JKAMP: variants seen among roughly 807,000 people sequenced by gnomAD.
JKAMP encodes JNK1/MAPK8 associated membrane protein, also known as JNK1/MAPK8-associated membrane protein.
In JKAMP, 20 loss-of-function variants were observed where a neutral mutation model predicts 40.2. The ratio of observed to expected loss-of-function variants is 0.50; its 90% CI spans 0.35 to 0.72. The LOEUF (loss-of-function observed/expected upper bound fraction) is 0.72. Ranked by LOEUF, JKAMP falls within the 30% of genes least tolerant of loss-of-function variation. The pLI is 0.01. For synonymous variants in JKAMP, 138 were observed against 131.6 expected (o/e 1.05, Z -0.33); for missense variants, 276 against 373.0 (o/e 0.74, Z 2.14).
chr14:59,503,801 A>T, intron 6 of JKAMP, 53 bp from the exon 7 acceptor site: 1 of 1,080,246 alleles, frequency 9.3e-7, no homozygotes, highest in Non-Finnish European at 1.4e-6. Flanking sequence ...TACCCAGCTG[A>T]CTTAGCCTGA....
chr14:59,492,797 ATTTT>A (rs61117183), intron 3 of JKAMP, among the ~76,000 whole-genome samples: 1 of 131,970 alleles, frequency 7.6e-6, no homozygotes. Flanking sequence ...GAGAGCTGCT[ATTTT>A]TTTTTTTTTT....
chr14:59,498,970 T>C (rs1268266539), intron 5 of JKAMP, 62 bp downstream of exon 5: 4 of 877,204 alleles, frequency 4.6e-6, no homozygotes, highest in African/African-American at 1.8e-5. Context: ...ATATTTCCTC[T>C]AGATTTAATT....
At chr14:59,484,805 C>T in intron 1 of JKAMP, 8 of 911,412 alleles carry the variant, frequency 8.8e-6, no homozygotes, top group Non-Finnish European at 1.3e-5. Flanking sequence ...GCGCTGTCTG[C>T]GGCGAAATGC....
At chr14:59,497,347 A>G (rs1891527257) in intron 4 of JKAMP, among the ~76,000 whole-genome samples, 1 of 152,212 alleles carries the variant, frequency 6.6e-6, no homozygotes, top group East Asian at 1.9e-4. Context: ...ACATGTAGGC[A>G]GCATGGATTG....
chr14:59,494,363 A>G (rs1891270385), intron 3 of JKAMP, among the ~76,000 whole-genome samples: 1 of 152,230 alleles, frequency 6.6e-6, no homozygotes, highest in Non-Finnish European at 1.5e-5. Flanking sequence ...GTGGAATCCT[A>G]ACACAATAGC....
chr14:59,498,705 A>C, intron 4 of JKAMP, 22 bp from the exon 5 acceptor site: 1 of 1,263,516 alleles, frequency 7.9e-7, no homozygotes, highest in East Asian at 2.5e-5. Context: ...TGATGTTACA[A>C]ATTCTTTATT....
intron 6 of JKAMP, among the ~76,000 whole-genome samples, chr14:59,503,534 T>C (rs145377533): frequency 3.7e-4 from 56 of 152,174 alleles, no homozygotes; most frequent in Non-Finnish European, 5.0e-4. Flanking sequence ...GGAGTTTCCC[T>C]TCTAGTTCGT....
intron 3 of JKAMP, among the ~76,000 whole-genome samples, chr14:59,493,591 TAAC>T (rs537518342): frequency 4.7e-4 from 72 of 152,290 alleles, no homozygotes; most frequent in African/African-American, 1.7e-3. Context: ...ATATTAGAAA[TAAC>T]AAGACAGTTT....
intron 1 of JKAMP, among the ~76,000 whole-genome samples, chr14:59,486,437 C>T (rs1369274661): frequency 1.3e-5 from 2 of 152,034 alleles, no homozygotes; most frequent in South Asian, 2.1e-4. Flanking sequence ...CTAATCATAC[C>T]GGGTTAGGCT....
rs755872922 is a variant in JKAMP, at chr14:59,504,015, C to G, written c.879C>G (p.Phe293Leu). 18 of 1,613,638 alleles carry G rather than the reference C, an allele frequency of 1.1e-5. No individual in the cohort carries two copies. Among genetic ancestry groups the G allele is most frequent in the African/African-American group, 8.0e-5 (6 of 74,890 alleles). Reference protein sequence around the residue: ...LVPTPALFYLFTAKFTEPSRI... With the variant: ...LVPTPALFYLLTAKFTEPSRI... ...CTACACCAGCCCTTTTTTACTTGTT[C>G]ACTGCAAAATTTACCGAACCTTCAA... Residue 293 changes from phenylalanine to leucine, a missense_variant, in exon 7 of 7, where the codon TTC becomes TTG. Phe to Leu is a conservative substitution (Grantham distance 22). Transcript: ENST00000616435.
chr14:59,502,760 T>G (rs1366659096), intron 6 of JKAMP, among the ~76,000 whole-genome samples: 1 of 130,106 alleles, frequency 7.7e-6, no homozygotes, highest in African/African-American at 2.9e-5. Flanking sequence ...ATTTTTTTTT[T>G]TTTTTTTTTT....
At chr14:59,497,892 G>C (rs1388753497) in intron 4 of JKAMP, among the ~76,000 whole-genome samples, 1 of 152,170 alleles carries the variant, frequency 6.6e-6, no homozygotes, top group East Asian at 1.9e-4. Flanking sequence ...ACACTCCCCT[G>C]TATAGGGAGA....
chr14:59,495,017 G>C lies in JKAMP; in HGVS notation c.252-1G>C, dbSNP rs754466839. The C allele has an allele frequency of 6.2e-7, 1 of 1,611,964 alleles. No individual in the cohort carries two copies. Among genetic ancestry groups the C allele is most frequent in the Non-Finnish European group, 8.5e-7 (1 of 1,178,480 alleles). ...TAATCATGCCTCTTTTCCTTCTCTA[G>C]TTCCAGCGCACTTTTCCAACACATC... On this transcript the variant is annotated splice_acceptor_variant, in intron 3 of 6. Transcript: ENST00000616435. LOFTEE classifies it high-confidence loss of function.
rs148380441 is a variant in JKAMP at position 59,504,159 on chromosome 14, T to G, written c.*87T>G. ...TTAACAGTGTATGAGAACTATTCTA[T>G]CATATATGGGAACAAGATTGTCAGT... On this transcript the variant is annotated 3_prime_UTR_variant, in exon 7 of 7. Transcript: ENST00000616435. The G allele has an allele frequency of 2.7e-6, 2 of 749,520 alleles. No homozygotes were observed. The highest frequency in any genetic ancestry group is 3.5e-5 in the African/African-American group (2 of 57,182). The allele number at this position is 749,520 out of a possible 1,614,324, so 46.4% of individuals were successfully genotyped here. A position where few individuals can be genotyped will look rare whatever the true frequency, so the allele number is the denominator to read the frequency against.
intron 3 of JKAMP, among the ~76,000 whole-genome samples, chr14:59,491,138 C>T (rs1053326781): frequency 5.3e-5 from 8 of 152,150 alleles, no homozygotes; most frequent in African/African-American, 1.9e-4. Context: ...AACAAATGTT[C>T]ATAAAAACTG....
intron 1 of JKAMP, chr14:59,485,186 TTTAGA>T (rs1157635144): frequency 7.9e-6 from 12 of 1,521,460 alleles, no homozygotes; most frequent in Non-Finnish European, 9.8e-6. Context: ...TTTGAGAAAC[TTTAGA>T]TTATTGATAT....
intron 3 of JKAMP, among the ~76,000 whole-genome samples, chr14:59,490,031 T>C (rs1890871804): frequency 6.6e-6 from 1 of 152,170 alleles, no homozygotes; most frequent in Non-Finnish European, 1.5e-5. Context: ...CAAGTGATCT[T>C]CCCATCTCAG....
At chr14:59,487,965 A>C (rs924121326) in intron 3 of JKAMP, 137 bp downstream of exon 3, 1 of 837,898 alleles carries the variant, frequency 1.2e-6, no homozygotes, top group Non-Finnish European at 1.9e-6. Context: ...GATTATTCTT[A>C]ACTGTGACAA....
chr14:59,498,198 T>C (rs896234832), intron 4 of JKAMP, among the ~76,000 whole-genome samples: 1 of 152,248 alleles, frequency 6.6e-6, no homozygotes, highest in East Asian at 1.9e-4. Flanking sequence ...TTTTAAGGAA[T>C]ATTAAGGCTA....
Sources: allele counts gnomAD v4.1 joint callset (sites outside exome capture counted in the v4.1 genomes callset), GRCh38; gene constraint gnomAD v4.1.1; transcripts MANE v1.5; gene names NCBI Gene and HGNC (gene_info 2026-07-23, HGNC 2026-07-21).